The following AGBL4 variants were observed in gnomAD, a reference collection of about 807,000 sequenced individuals.
The protein encoded by AGBL4 is AGBL carboxypeptidase 4.
In AGBL4, 58 loss-of-function variants were observed where a neutral mutation model predicts 66.4. The observed-to-expected ratio is 0.87, with a 90% CI of 0.71 to 1.09. The LOEUF (loss-of-function observed/expected upper bound fraction) is 1.09, where lower values mean the gene tolerates loss of function less well. AGBL4 is among the 50% of genes least tolerant of loss of function. The probability of loss-of-function intolerance (pLI) is 0.00; values close to 1 mark genes in which losing one functional copy is unlikely to be tolerated. For synonymous variants in AGBL4, 234 were observed against 222.9 expected (o/e 1.05, Z -0.44); for missense variants, 579 against 631.0 (o/e 0.92, Z 0.88).
chr1:49,243,753 G>A (rs1357046076), intron 4 of AGBL4, among the ~76,000 whole-genome samples: 2 of 151,826 alleles, frequency 1.3e-5, no homozygotes, highest in East Asian at 3.9e-4. Flanking sequence ...CTGAAGCAAT[G>A]TAAGTAGCTT....
intron 6 of AGBL4, among the ~76,000 whole-genome samples, chr1:48,713,079 G>A (rs186453264): frequency 1.3e-5 from 2 of 152,162 alleles, no homozygotes; most frequent in Non-Finnish European, 2.9e-5. Context: ...ACACAGTGCT[G>A]GGCTCTGTGC....
intron 4 of AGBL4, among the ~76,000 whole-genome samples, chr1:49,232,086 G>A (rs768449461): frequency 1.3e-5 from 2 of 152,108 alleles, no homozygotes; most frequent in African/African-American, 2.4e-5. Flanking sequence ...GGGTAAGTGG[G>A]AGTAGCTACT....
At chr1:49,239,690 A>G (rs1167842791) in intron 4 of AGBL4, among the ~76,000 whole-genome samples, 1 of 152,126 alleles carries the variant, frequency 6.6e-6, no homozygotes, top group Non-Finnish European at 1.5e-5. Flanking sequence ...GTTTAGTGGA[A>G]GATACTGAAT....
intron 2 of AGBL4, among the ~76,000 whole-genome samples, chr1:49,827,093 G>T (rs1431831577): frequency 6.6e-6 from 1 of 152,058 alleles, no homozygotes; most frequent in Non-Finnish European, 1.5e-5. Context: ...GATCATACAG[G>T]TAGAGTATGA....
intron 4 of AGBL4, among the ~76,000 whole-genome samples, chr1:49,179,936 T>G (rs1646899957): frequency 6.6e-6 from 1 of 150,736 alleles, no homozygotes; most frequent in East Asian, 1.9e-4. Context: ...AGTTTCGCTC[T>G]TGTTGCCCAG....
intron 1 of AGBL4, among the ~76,000 whole-genome samples, chr1:49,930,926 T>C (rs188672683): frequency 6.6e-6 from 1 of 152,192 alleles, no homozygotes; most frequent in Admixed American, 6.5e-5. Flanking sequence ...CAAGAAAAAA[T>C]TTAAAAGCAT....
intron 3 of AGBL4, among the ~76,000 whole-genome samples, chr1:49,673,252 C>T (rs1361986856): frequency 3.3e-5 from 5 of 151,980 alleles, no homozygotes; most frequent in Non-Finnish European, 5.9e-5. Context: ...TTATTCTTTC[C>T]AAATCTTAAT....
chr1:48,827,530 G>T (rs190802095), intron 6 of AGBL4, among the ~76,000 whole-genome samples: 4 of 152,134 alleles, frequency 2.6e-5, no homozygotes, highest in African/African-American at 4.8e-5. Flanking sequence ...CACTGCTATC[G>T]TTTTCTTGGC....
At chr1:49,392,698 TACACACACACACACACACAC>T (rs55786055) in intron 3 of AGBL4, among the ~76,000 whole-genome samples, 1 of 147,514 alleles carries the variant, frequency 6.8e-6, no homozygotes, top group Non-Finnish European at 1.5e-5. Flanking sequence ...CAACTGTGTA[TACACACACACACACACACAC>T]ACACACACAC....
At chr1:48,619,977 G>A (rs988802691) in intron 9 of AGBL4, among the ~76,000 whole-genome samples, 2 of 152,068 alleles carry the variant, frequency 1.3e-5, no homozygotes, top group African/African-American at 2.4e-5. Flanking sequence ...CAGCCCTTAG[G>A]GATTATGGTG....
chr1:49,347,315 G>A (rs1411940985), intron 3 of AGBL4, among the ~76,000 whole-genome samples: 6 of 146,416 alleles, frequency 4.1e-5, no homozygotes, highest in Admixed American at 2.8e-4. Flanking sequence ...GCAGTGGCAC[G>A]ATCTCAGCTC....
At chr1:49,630,100 G>A (rs903718697) in intron 3 of AGBL4, among the ~76,000 whole-genome samples, 2 of 152,056 alleles carry the variant, frequency 1.3e-5, no homozygotes, top group Non-Finnish European at 2.9e-5. Context: ...AACACCTCCA[G>A]CTGGTCTATA....
intron 1 of AGBL4, among the ~76,000 whole-genome samples, chr1:49,860,144 C>T (rs1646532405): frequency 6.6e-6 from 1 of 152,066 alleles, no homozygotes; most frequent in African/African-American, 2.4e-5. Flanking sequence ...CTCCATATAT[C>T]GATCTAGAGA....
At chr1:48,837,355 TG>T (rs1370115409) in intron 6 of AGBL4, among the ~76,000 whole-genome samples, 1 of 151,936 alleles carries the variant, frequency 6.6e-6, no homozygotes, top group Non-Finnish European at 1.5e-5. Flanking sequence ...TGCAAAGTAT[TG>T]ATTCTGGGTG....
chr1:49,508,513 G>A (rs891320021), intron 3 of AGBL4, among the ~76,000 whole-genome samples: 5 of 151,880 alleles, frequency 3.3e-5, no homozygotes, highest in Non-Finnish European at 7.4e-5. Context: ...GAGGGCCCAC[G>A]CAGAGGACAA....
intron 3 of AGBL4, among the ~76,000 whole-genome samples, chr1:49,543,603 T>A (rs1288230060): frequency 6.6e-6 from 1 of 152,150 alleles, no homozygotes; most frequent in African/African-American, 2.4e-5. Flanking sequence ...GAAACTTAAG[T>A]ATTTTTCTCG....
chr1:49,923,165 A>G (rs1652433940), intron 1 of AGBL4, among the ~76,000 whole-genome samples: 1 of 152,074 alleles, frequency 6.6e-6, no homozygotes, highest in Admixed American at 6.6e-5. Flanking sequence ...TAAGACTGCA[A>G]ACAAACAACT....
intron 2 of AGBL4, among the ~76,000 whole-genome samples, chr1:49,715,118 C>T (rs370806332): frequency 6.6e-6 from 1 of 151,962 alleles, no homozygotes; most frequent in Non-Finnish European, 1.5e-5. Flanking sequence ...CCTCCCCTAG[C>T]CCCCCAGCCC....
At chr1:48,804,587 A>G (rs989494300) in intron 6 of AGBL4, among the ~76,000 whole-genome samples, 1 of 152,160 alleles carries the variant, frequency 6.6e-6, no homozygotes, top group Non-Finnish European at 1.5e-5. Context: ...CATCTGATAA[A>G]CAAGAAAGAA....
Sources: gnomAD v4.1 joint callset for allele counts (sites outside exome capture counted in the v4.1 genomes callset) on GRCh38, gnomAD v4.1.1 for gene constraint, MANE v1.5 for transcripts, NCBI Gene and HGNC (gene_info 2026-07-23, HGNC 2026-07-21) for gene names.